The following C16orf46 variants were observed in gnomAD, a reference collection of about 807,000 sequenced individuals.
C16orf46 encodes chromosome 16 open reading frame 46, also known as uncharacterized protein C16orf46.
A neutral mutation model predicts 5.5 loss-of-function variants in C16orf46; 7 were observed. The ratio of observed to expected loss-of-function variants is 1.28; its 90% CI spans 0.73 to 2.40. The LOEUF is 2.40. C16orf46 is among the 30% of genes most tolerant of loss of function. The pLI is 0.00. For synonymous variants in C16orf46, 200 were observed against 184.1 expected, an observed-to-expected ratio of 1.09 and a Z score of -0.70; for missense variants, 614 against 476.0, an observed-to-expected ratio of 1.29 and a Z score of -2.70.
chr16:81,074,072 C>T (rs1563076), intron 1 of C16orf46, among the ~76,000 whole-genome samples: 148,762 of 152,382 alleles, frequency 0.98, 72,703 homozygotes, highest in Middle Eastern at 1. Context: ...TCTAAAGATT[C>T]GAATGATCTC....
At chr16:81,068,889 G>A (rs535997320) in intron 1 of C16orf46, among the ~76,000 whole-genome samples, 2 of 151,714 alleles carry the variant, frequency 1.3e-5, no homozygotes, top group Non-Finnish European at 2.9e-5. Context: ...ATTTTTAGTA[G>A]AGACAGGGTT....
chr16:81,062,740 A>G (rs934636604), intron 3 of C16orf46, among the ~76,000 whole-genome samples: 1 of 152,288 alleles, frequency 6.6e-6, no homozygotes, highest in Admixed American at 6.5e-5. Context: ...ATCTTGCCAC[A>G]GAGATCACCA....
chr16:81,075,697 G>C (rs138294163), intron 1 of C16orf46, among the ~76,000 whole-genome samples: 1 of 152,154 alleles, frequency 6.6e-6, no homozygotes, highest in East Asian at 1.9e-4. Context: ...AATTTCTGGG[G>C]TTGATTAATT....
chr16:81,059,766 G>T (rs149285019), downstream of C16orf46, among the ~76,000 whole-genome samples: 1,170 of 151,836 alleles, frequency 7.7e-3, 16 homozygotes, highest in African/African-American at 0.027. Context: ...TAATCACAGT[G>T]ATCTTTTTAT....
At chr16:81,060,251 G>A (rs777649447), downstream of C16orf46, among the ~76,000 whole-genome samples, 39 of 152,140 alleles carry the variant, frequency 2.6e-4, 1 homozygote, top group Non-Finnish European at 4.9e-4. Flanking sequence ...CTGAGGGTGT[G>A]ACACCCTGGA....
intron 3 of C16orf46, among the ~76,000 whole-genome samples, chr16:81,054,905 C>T (rs772779488): frequency 1.3e-5 from 2 of 152,182 alleles, no homozygotes; most frequent in Non-Finnish European, 2.9e-5. Flanking sequence ...ACCTCGGGCT[C>T]CCAATGTGCT....
At chr16:81,064,639 T>C (rs1240456220) in intron 2 of C16orf46, among the ~76,000 whole-genome samples, 1 of 150,802 alleles carries the variant, frequency 6.6e-6, no homozygotes, top group African/African-American at 2.4e-5. Flanking sequence ...CCCAGCTACT[T>C]GGGAGGCTGA....
rs146750423 is a variant in C16orf46, at chr16:81,061,564, C to T, written c.785G>A (p.Gly262Asp). The T allele has an allele frequency of 1.3e-4, 209 of 1,614,182 alleles. 2 individuals are homozygous for T. Among genetic ancestry groups the T allele is most frequent in the Middle Eastern group, 1.2e-3 (7 of 6,062 alleles). ...GGCCAGCTCACTGGCTCTTTTTTCA[C>T]CTTTCCCATCTGCTGTTTTCAAGCC... is the stretch of plus-strand genomic sequence containing the variant. ...AYGLKTADGK[G>D]EKRASELAKH... Residue 262 changes from glycine to aspartate, a missense_variant, in exon 4 of 4, where the codon GGT becomes GAT. Gly to Asp is a moderately conservative substitution (Grantham distance 94). Transcript: ENST00000299578.
intron 3 of C16orf46, among the ~76,000 whole-genome samples, chr16:81,063,170 G>A (rs887561813): frequency 7.3e-5 from 11 of 150,768 alleles, no homozygotes; most frequent in African/African-American, 2.7e-4. Flanking sequence ...TTGAACTCAG[G>A]AGGCAGAGGT....
chr16:81,072,879 T>C (rs151064688), intron 1 of C16orf46, among the ~76,000 whole-genome samples: 11,346 of 152,144 alleles, frequency 0.075, 485 homozygotes, highest in Middle Eastern at 0.16. Flanking sequence ...TTTTTGTATT[T>C]TTTTGTAGAA....
chr16:81,053,810 ATATAT>A (rs1221201083), exon 4 of C16orf46: 6 of 386,138 alleles, frequency 1.6e-5, no homozygotes, highest in African/African-American at 4.1e-5. Flanking sequence ...TCAAAAGTAC[ATATAT>A]TATATTACCT....
At chr16:81,069,661 G>A (rs532116716) in intron 1 of C16orf46, among the ~76,000 whole-genome samples, 1 of 152,224 alleles carries the variant, frequency 6.6e-6, no homozygotes, top group South Asian at 2.1e-4. Flanking sequence ...ATCATTAGAG[G>A]TGAAATACAA....
intron 1 of C16orf46, among the ~76,000 whole-genome samples, chr16:81,074,044 T>C (rs964413364): frequency 6.6e-6 from 1 of 152,258 alleles, no homozygotes; most frequent in African/African-American, 2.4e-5. Flanking sequence ...AGGAATGTTT[T>C]TTCTTTCCAT....
At chr16:81,055,875 A>C (rs2549900) in intron 3 of C16orf46, 2 of 151,600 alleles carry the variant, frequency 1.3e-5, no homozygotes, top group Non-Finnish European at 2.9e-5. Flanking sequence ...GTGCCACCAT[A>C]ACTGGCTAAT....
intron 1 of C16orf46, among the ~76,000 whole-genome samples, chr16:81,069,447 G>T (rs1281077766): frequency 6.6e-6 from 1 of 152,232 alleles, no homozygotes; most frequent in Non-Finnish European, 1.5e-5. Context: ...TGCAGAGTGT[G>T]ATGGCAAACA....
At chr16:81,068,240 T>G (rs1971714449) in intron 1 of C16orf46, among the ~76,000 whole-genome samples, 1 of 152,168 alleles carries the variant, frequency 6.6e-6, no homozygotes, top group African/African-American at 2.4e-5. Flanking sequence ...GCTCCTGAAA[T>G]GAACAAAGAC....
rs535972065 is a variant in C16orf46 at position 81,054,710 on chromosome 16, G to A, written c.1144-616C>T. Among the ~76,000 whole-genome samples the A allele has an allele frequency of 4.8e-4, 73 of 152,148 alleles. 1 individual carries two copies. Among genetic ancestry groups the A allele is most frequent in the African/African-American group, 4.3e-4 (18 of 41,496 alleles). On this transcript the variant is annotated intron_variant, in intron 3 of 3. Coordinates refer to the C16orf46 transcript ENST00000378611. ...ACTGCCCAGGCTGGTATGCAGTGGC[G>A]TGATCTCGGCTCACTGCAAACTCCA...
chr16:81,062,953 G>C (rs778899741), intron 3 of C16orf46, among the ~76,000 whole-genome samples: 31 of 148,640 alleles, frequency 2.1e-4, no homozygotes, highest in Non-Finnish European at 3.0e-4. Context: ...TTGTTTAAGA[G>C]TAAGCCTGCA....
chr16:81,054,347 T>A (rs1303248277), intron 3 of C16orf46, among the ~76,000 whole-genome samples: 3 of 151,478 alleles, frequency 2.0e-5, no homozygotes, highest in African/African-American at 7.3e-5. Context: ...AAATTAAGAT[T>A]TTAATTTTGG....
Sources: gnomAD v4.1 joint callset for allele counts (sites outside exome capture counted in the v4.1 genomes callset) on GRCh38, gnomAD v4.1.1 for gene constraint, MANE v1.5 for transcripts, NCBI Gene and HGNC (gene_info 2026-07-23, HGNC 2026-07-21) for gene names.